Variants in JADE2 observed in about 807,000 individuals in gnomAD.
JADE2 encodes the protein jade family PHD finger 2.
In JADE2, 13 loss-of-function variants were observed where a neutral mutation model predicts 85.7. The observed-to-expected ratio is 0.15, with a 90% CI of 0.10 to 0.24. The LOEUF (loss-of-function observed/expected upper bound fraction) is 0.24. Among genes scored for constraint, JADE2 ranks in the 10% least tolerant of loss-of-function variants. The pLI is 1.00. For synonymous variants in JADE2, 440 were observed against 456.1 expected, an observed-to-expected ratio of 0.96 and a Z score of 0.45; for missense variants, 846 against 1,115.9, an observed-to-expected ratio of 0.76 and a Z score of 3.45.
chr5:134,554,815 C>CT (rs1394058394), intron 4 of JADE2, among the ~76,000 whole-genome samples: 9 of 152,242 alleles, frequency 5.9e-5, no homozygotes, highest in African/African-American at 1.9e-4. Context: ...ATCTGGAAGG[C>CT]TGCCTGGTAG....
At chr5:134,542,694 G>A (rs1322765350) in intron 3 of JADE2, among the ~76,000 whole-genome samples, 2 of 151,640 alleles carry the variant, frequency 1.3e-5, no homozygotes, top group African/African-American at 4.8e-5. Context: ...CGCCTGCCTC[G>A]GCCCCCCAGA....
At chr5:134,545,199 A>G (rs66579621) in intron 3 of JADE2, among the ~76,000 whole-genome samples, 7,221 of 152,166 alleles carry the variant, frequency 0.047, 344 homozygotes, top group South Asian at 0.23. Flanking sequence ...CCGCTAGGCT[A>G]AGTGCCTGCT....
intron 8 of JADE2, among the ~76,000 whole-genome samples, chr5:134,565,048 C>A (rs868552940): frequency 6.6e-6 from 1 of 152,140 alleles, no homozygotes; most frequent in South Asian, 2.1e-4. Flanking sequence ...GTCTAGCATG[C>A]GTCAGAATTA....
chr5:134,528,068 T>G (rs1279285973), intron 1 of JADE2, among the ~76,000 whole-genome samples: 1 of 152,160 alleles, frequency 6.6e-6, no homozygotes, highest in Non-Finnish European at 1.5e-5. Context: ...TGGGACCTGC[T>G]GCCTTGCCTT....
rs190460712 is a variant in JADE2, at chr5:134,550,496, G to T, written c.154-1556G>T. 2.0e-5 allele frequency among the ~76,000 whole-genome samples: 3 copies of T among 152,316 alleles called. No homozygotes were observed. The East Asian group carries it at 5.8e-4, about 29-fold the overall frequency. On this transcript the variant is annotated intron_variant, in intron 3 of 11. Coordinates refer to ENST00000681547, the MANE Select transcript of JADE2 (RefSeq NM_001388185.1). ...ACAGCGGTGGATGCTGACTTTTCCA[G>T]GGAGGAATGTGGGGTTGGAGTTTGG...
intron 3 of JADE2, among the ~76,000 whole-genome samples, chr5:134,546,389 A>G (rs143026977): frequency 6.6e-6 from 1 of 152,292 alleles, no homozygotes; most frequent in Non-Finnish European, 1.5e-5. Context: ...ACTGTGCCAA[A>G]AGCAGGCACA....
At chr5:134,573,816 G>C (rs772395019) in intron 10 of JADE2, 54 bp downstream of exon 10, 190 of 1,134,466 alleles carry the variant, frequency 1.7e-4, no homozygotes, top group Non-Finnish European at 2.2e-4. Context: ...CTCTTGCGGG[G>C]CTGGGTCCCA....
intron 9 of JADE2, among the ~76,000 whole-genome samples, chr5:134,570,483 G>A (rs368269946): frequency 7.9e-4 from 120 of 152,070 alleles, no homozygotes; most frequent in African/African-American, 2.7e-3. Context: ...CCCTCTAGTC[G>A]TGGGTTCCTC....
At chr5:134,533,665 G>C in intron 1 of JADE2, 1 of 701,480 alleles carries the variant, frequency 1.4e-6, no homozygotes. Context: ...GCTGGGCTGG[G>C]CTGAGCTGAG....
At position 134,562,113 on chromosome 5, in the gene JADE2, G is replaced by T. The variant is rs2304084; in HGVS notation, c.685-87G>T. 12,677 of 1,325,428 alleles carry T rather than the reference G, an allele frequency of 9.6e-3. 123 individuals are homozygous for T. Among genetic ancestry groups the T allele is most frequent in the Middle Eastern group, 0.06 (314 of 5,240 alleles). The allele number at this position is 1,325,428 out of a possible 1,614,324, so 82.1% of individuals were successfully genotyped here. Reference sequence around the variant, plus strand: ...AGGCTGTGTAGCAGTGTAGCATGGGGCTGGCACTGGACCAAATGCAGCTGA... The same window carrying T: ...AGGCTGTGTAGCAGTGTAGCATGGGTCTGGCACTGGACCAAATGCAGCTGA... On this transcript the variant is annotated intron_variant, in intron 6 of 11. Coordinates refer to ENST00000681547, the MANE Select transcript of JADE2 (RefSeq NM_001388185.1). This position sits in a 1 kb window ranked among gnomAD's most constrained non-coding sequence, Gnocchi z 4.6.
At position 134,581,888 on chromosome 5, in the gene JADE2, C is replaced by T. The variant is rs1764729374; in HGVS notation, c.*2571C>T. 6.6e-6 allele frequency: 1 copy of T among 152,442 alleles called. No individual in the cohort carries two copies. The highest frequency in any genetic ancestry group is 1.5e-5 in the Non-Finnish European group (1 of 68,198). 9.4% of individuals were successfully genotyped at this position (152,442 alleles called of 1,614,324 possible). On this transcript the variant is annotated 3_prime_UTR_variant, in exon 12 of 12. Transcript: ENST00000681547. ...TGCAAGGAGAAGGATGCCAGCCACCCATCCTCCCCCAGTTCCCAGCCTTTC... is the reference window on the plus strand; with the variant it reads ...TGCAAGGAGAAGGATGCCAGCCACCTATCCTCCCCCAGTTCCCAGCCTTTC...
At chr5:134,541,217 T>C (rs907930077) in intron 3 of JADE2, among the ~76,000 whole-genome samples, 1 of 152,208 alleles carries the variant, frequency 6.6e-6, no homozygotes, top group Admixed American at 6.5e-5. Flanking sequence ...CCTCCCACAG[T>C]AGGCTGGAGA....
At chr5:134,541,103 G>A (rs375261294) in intron 3 of JADE2, among the ~76,000 whole-genome samples, 1 of 152,200 alleles carries the variant, frequency 6.6e-6, no homozygotes, top group East Asian at 1.9e-4. Flanking sequence ...AGGCTCTGAG[G>A]TCTGCCTGGG....
intron 1 of JADE2, 112 bp from the exon 2 acceptor site, chr5:134,535,746 T>C (rs1379496540): frequency 2.3e-6 from 2 of 871,904 alleles, no homozygotes; most frequent in Non-Finnish European, 3.8e-6. Flanking sequence ...GCTTTATTCT[T>C]ATCTTTCTGC....
chr5:134,578,982 A>G lies in JADE2; in HGVS notation c.2170A>G (p.Thr724Ala). 1 of 1,613,524 alleles carries G rather than the reference A, an allele frequency of 6.2e-7. No individual in the cohort carries two copies. Among genetic ancestry groups the G allele is most frequent in the Non-Finnish European group, 8.5e-7 (1 of 1,179,936 alleles). ...PESPPPLAPE[T>A]PDEAASVAAD... ...AAGCCCCCCGCCACTGGCCCCTGAG[A>G]CCCCGGACGAGGCAGCCTCAGTAGC... Residue 724 changes from threonine to alanine, a missense_variant, in exon 12 of 12, where the codon ACC becomes GCC. This residue lies in a region of JADE2 where 300 missense variants were observed against 300.7 expected (regional missense o/e 1.00). Coordinates refer to ENST00000681547, the MANE Select transcript of JADE2 (RefSeq NM_001388185.1). This position sits in a 1 kb window ranked among gnomAD's most constrained non-coding sequence, Gnocchi z 4.4.
At chr5:134,570,369 AC>A (rs144823780) in intron 9 of JADE2, among the ~76,000 whole-genome samples, 2,199 of 152,114 alleles carry the variant, frequency 0.014, 47 homozygotes, top group African/African-American at 0.05. Context: ...CCTGCAGCTG[AC>A]GAGTCTGTCT....
intron 3 of JADE2, among the ~76,000 whole-genome samples, chr5:134,539,818 G>C (rs190781268): frequency 6.6e-6 from 1 of 152,326 alleles, no homozygotes; most frequent in East Asian, 1.9e-4. Flanking sequence ...CCAGCCCTTG[G>C]AGGGGGGCTT....
chr5:134,529,113 G>A (rs1186715406), intron 1 of JADE2, among the ~76,000 whole-genome samples: 2 of 152,214 alleles, frequency 1.3e-5, no homozygotes, highest in Non-Finnish European at 2.9e-5. Flanking sequence ...CAGGAAGGCA[G>A]TTGTCTTATG....
At chr5:134,558,647 T>C (rs574749819) in intron 4 of JADE2, among the ~76,000 whole-genome samples, 91 of 152,370 alleles carry the variant, frequency 6.0e-4, no homozygotes, top group African/African-American at 2.1e-3. Context: ...CAAGCAATTC[T>C]TCTGCCTCAG....
Sources: allele counts gnomAD v4.1 joint callset (sites outside exome capture counted in the v4.1 genomes callset), GRCh38; gene constraint gnomAD v4.1.1; regional missense constraint gnomAD v4.1.1; non-coding constraint Gnocchi (gnomAD v3.1); transcripts MANE v1.5; gene names NCBI Gene and HGNC (gene_info 2026-07-23, HGNC 2026-07-21).